The following ITGAE variants were observed in gnomAD, a reference collection of about 807,000 sequenced individuals.
ITGAE encodes the protein integrin subunit alpha E.
ITGAE carries 99 observed loss-of-function variants against 136.5 expected under a neutral mutation model. The observed-to-expected ratio is 0.73, with a 90% confidence interval of 0.62 to 0.86. The LOEUF (loss-of-function observed/expected upper bound fraction) is 0.86, where lower values mean the gene tolerates loss of function less well. Among genes scored for constraint, ITGAE ranks in the 40% least tolerant of loss-of-function variants. ITGAE has a pLI of 0.00. For missense variants in ITGAE, 1,447 were observed against 1,515.3 expected, an observed-to-expected ratio of 0.95 and a Z score of 0.75; for synonymous variants, 613 against 591.8, an observed-to-expected ratio of 1.04 and a Z score of -0.52.
At chr17:3,784,673 G>C (rs1048335856) in intron 1 of ITGAE, among the ~76,000 whole-genome samples, 1 of 152,122 alleles carries the variant, frequency 6.6e-6, no homozygotes. Flanking sequence ...GATTACAGGC[G>C]TGAGCCACCG....
intron 27 of ITGAE, 132 bp from the exon 28 acceptor site, chr17:3,723,515 C>G: frequency 1.0e-6 from 1 of 992,344 alleles, no homozygotes; most frequent in Non-Finnish European, 1.6e-6. Context: ...CTCACCTCGG[C>G]CCAAGCGAAG....
chr17:3,742,330 C>A (rs2051607008), intron 19 of ITGAE, among the ~76,000 whole-genome samples: 1 of 151,838 alleles, frequency 6.6e-6, no homozygotes, highest in South Asian at 2.1e-4. Context: ...GGACAACTGG[C>A]AAAATTTGAA....
chr17:3,751,883 C>G lies in ITGAE; in HGVS notation c.1669-9G>C. The G allele has an allele frequency of 6.2e-7, 1 of 1,610,898 alleles. No homozygotes were observed. Among genetic ancestry groups the G allele is most frequent in the South Asian group, 1.1e-5 (1 of 91,032 alleles). On this transcript the variant is annotated splice_polypyrimidine_tract_variant and intron_variant, in intron 14 of 30. Coordinates refer to ENST00000263087, the MANE Select transcript of ITGAE (RefSeq NM_002208.5). Reference sequence around the variant, plus strand: ...AAGGAGAAAGAACCATCCTGTAAAGCAAACAAACAGCTCAGCCCTCAAGAA... The same window carrying G: ...AAGGAGAAAGAACCATCCTGTAAAGGAAACAAACAGCTCAGCCCTCAAGAA...
At chr17:3,745,975 C>T (rs775510276) in intron 17 of ITGAE, 48 bp from the exon 18 acceptor site, 16 of 1,569,816 alleles carry the variant, frequency 1.0e-5, no homozygotes, top group Middle Eastern at 1.9e-4. Flanking sequence ...ATGAGCCAGC[C>T]GCAGACAGAA....
At chr17:3,779,233 ATTACC>A (rs1167696471) in intron 1 of ITGAE, among the ~76,000 whole-genome samples, 1 of 152,206 alleles carries the variant, frequency 6.6e-6, no homozygotes, top group African/African-American at 2.4e-5. Context: ...GTATGTAAAT[ATTACC>A]TTAAAGAAGA....
chr17:3,778,766 TG>T (rs1465639528), intron 1 of ITGAE, among the ~76,000 whole-genome samples: 2 of 152,212 alleles, frequency 1.3e-5, no homozygotes, highest in African/African-American at 4.8e-5. Context: ...TCATTGGTAC[TG>T]GACTAATTCT....
At chr17:3,755,756 G>A (rs2052004544) in intron 11 of ITGAE, 74 bp downstream of exon 11, 5 of 1,301,848 alleles carry the variant, frequency 3.8e-6, no homozygotes, top group South Asian at 1.3e-5. Context: ...TGGGAGGCAG[G>A]AGTCCCTGAA....
chr17:3,801,120 A>G lies in ITGAE; in HGVS notation c.25T>C (p.Cys9Arg). 1.9e-6 allele frequency: 3 copies of G among 1,612,660 alleles called. No individual in the cohort carries two copies. The highest frequency in any genetic ancestry group is 2.7e-5 in the African/African-American group (2 of 75,066). The change falls in exon 1 of 31, where the codon TGC (cysteine) becomes CGC (arginine). Residue 9 changes from cysteine (C) to arginine (R), a missense_variant. Around this residue, in one of 3 missense-constraint regions of ITGAE, gnomAD observed 106 missense variants for 87.8 expected, o/e 1.21. Coordinates refer to ENST00000263087, the MANE Select transcript of ITGAE (RefSeq NM_002208.5). MWLFHTLL[C>R]IASLALLAAF... is the part of the protein sequence containing the mutation. ...GGGTGAGAGGACTTACTGGCTATGC[A>G]GAGCAGAGTGTGGAAGAGCCACATC...
At chr17:3,771,620 A>C (rs1467770606) in intron 2 of ITGAE, among the ~76,000 whole-genome samples, 7 of 140,884 alleles carry the variant, frequency 5.0e-5, no homozygotes, top group Non-Finnish European at 9.0e-5. Flanking sequence ...GGCTCACTGT[A>C]ACCTCCGCCT....
chr17:3,755,947 G>T (rs779075935), intron 10 of ITGAE, 50 bp from the exon 11 acceptor site: 2 of 1,534,000 alleles, frequency 1.3e-6, no homozygotes, highest in Non-Finnish European at 1.8e-6. Flanking sequence ...GGTGAAGGGA[G>T]AAACTGAGTC....
chr17:3,729,745 C>T, intron 23 of ITGAE, 190 bp from the exon 24 acceptor site: 1 of 515,588 alleles, frequency 1.9e-6, no homozygotes, highest in Non-Finnish European at 3.6e-6. Flanking sequence ...CAGGCGTGAG[C>T]CACCATACCC....
Position 3,795,873 on chromosome 17 carries a change from G to A in ITGAE, c.34+5238C>T, listed in dbSNP as rs892509904. Reference sequence around the variant, plus strand: ...TGTGTGTGTGCATCCATGTGCATCCGTGTGCGTGTGCATCCGTGTGTGTGC... The same window carrying A: ...TGTGTGTGTGCATCCATGTGCATCCATGTGCGTGTGCATCCGTGTGTGTGC... On this transcript the variant is annotated intron_variant, in intron 1 of 30. Transcript: ENST00000263087. 4.0e-5 allele frequency among the ~76,000 whole-genome samples: 6 copies of A among 149,744 alleles called. 1 individual carries two copies. The highest frequency in any genetic ancestry group is 2.7e-4 in the Admixed American group (4 of 15,018).
At position 3,723,369 on chromosome 17, in the gene ITGAE, C is replaced by G. The variant is rs2051100507; in HGVS notation, c.3156G>C (p.Trp1052Cys). Residue 1052 changes from tryptophan (W) to cysteine (C), a missense_variant, in exon 28 of 31, where the codon TGG (tryptophan) becomes TGC (cysteine). This residue lies in a region of ITGAE where 1,031 missense variants were observed against 1,011.4 expected (regional missense o/e 1.02). Transcript: ENST00000263087. The part of the protein sequence containing the change: ...AYSSVQHVEE[W>C]HSVSCVIASD... ...AAGCGATGACACAGCTCACTGAATG[C>G]CATTCTTCCACATGCTGGAAAAGCG... is the stretch of plus-strand genomic sequence containing the variant. The G allele has an allele frequency of 1.2e-6, 2 of 1,612,722 alleles. No homozygotes were observed. Among genetic ancestry groups the G allele is most frequent in the South Asian group, 2.2e-5 (2 of 91,068 alleles).
At chr17:3,753,647 G>C in intron 13 of ITGAE, 136 bp downstream of exon 13, 2 of 1,201,742 alleles carry the variant, frequency 1.7e-6, no homozygotes, top group Non-Finnish European at 1.2e-6. Context: ...CAGAGCCCTC[G>C]AGCTCCACTC....
At chr17:3,792,814 A>G (rs1440812550) in intron 1 of ITGAE, among the ~76,000 whole-genome samples, 1 of 152,238 alleles carries the variant, frequency 6.6e-6, no homozygotes, top group African/African-American at 2.4e-5. Flanking sequence ...CGGTGTCCAC[A>G]AAATTCAAAA....
rs1717391562 is a variant in ITGAE, at chr17:3,767,102, T to C, written c.156-3142A>G. On this transcript the variant is annotated intron_variant, in intron 2 of 30. Coordinates refer to ENST00000263087, the MANE Select transcript of ITGAE (RefSeq NM_002208.5). Reference sequence around the variant, plus strand: ...TCTCTCTCCAAATTCTTTTTTTTTTTTTTCTTTTTTTGAGATGGAGTTTCA... The same window carrying C: ...TCTCTCTCCAAATTCTTTTTTTTTTCTTTCTTTTTTTGAGATGGAGTTTCA... Among the ~76,000 whole-genome samples, 4 of 151,832 alleles carry C rather than the reference T, an allele frequency of 2.6e-5. No homozygotes were observed. The South Asian group carries it at 8.3e-4, about 32-fold the overall frequency.
intron 2 of ITGAE, among the ~76,000 whole-genome samples, chr17:3,767,242 G>A (rs1239884484): frequency 2.0e-5 from 3 of 151,736 alleles, no homozygotes; most frequent in Non-Finnish European, 2.9e-5. Flanking sequence ...GATTACAGGC[G>A]CCCGCCACCA....
intron 1 of ITGAE, among the ~76,000 whole-genome samples, chr17:3,786,122 G>A (rs552007400): frequency 8.1e-5 from 12 of 147,570 alleles, no homozygotes; most frequent in East Asian, 8.0e-4. Flanking sequence ...AGCCGAGATC[G>A]CGCCACTGCA....
chr17:3,742,905 A>G (rs1192720557), intron 19 of ITGAE, among the ~76,000 whole-genome samples: 1 of 152,030 alleles, frequency 6.6e-6, no homozygotes. Flanking sequence ...ACCTGCCTCA[A>G]CCTCCCAAAG....
Sources: allele counts gnomAD v4.1 joint callset (sites outside exome capture counted in the v4.1 genomes callset), GRCh38; gene constraint gnomAD v4.1.1; regional missense constraint gnomAD v4.1.1; transcripts MANE v1.5; gene names NCBI Gene and HGNC (gene_info 2026-07-23, HGNC 2026-07-21).